Variants in ZNF69 observed in about 807,000 individuals in gnomAD.
ZNF69 encodes the protein ZNF3.
Under a neutral mutation model 50.9 loss-of-function variants are expected in ZNF69, and 47 were observed. The observed-to-expected ratio is 0.92, with a 90% CI of 0.73 to 1.18. The LOEUF (loss-of-function observed/expected upper bound fraction) is 1.18. ZNF69 is among the 50% of genes most tolerant of loss of function. The pLI is 0.00. For missense variants in ZNF69, 717 were observed against 675.1 expected (o/e 1.06, Z -0.69); for synonymous variants, 216 against 223.1 (o/e 0.97, Z 0.29).
At chr19:11,936,361 CTT>C in the ZNF69 span, among the ~76,000 whole-genome samples, 1 of 152,160 alleles carries the variant, frequency 6.6e-6, no homozygotes, top group South Asian at 2.1e-4. Context: ...TGTTTCCTGA[CTT>C]TTTAATGATT....
At chr19:11,949,781 A>G in the ZNF69 span, 1 of 1,613,434 alleles carries the variant, frequency 6.2e-7, no homozygotes, top group Non-Finnish European at 8.5e-7. Flanking sequence ...GAAAGGACTC[A>G]CACTGGAGAG....
the ZNF69 span, among the ~76,000 whole-genome samples, chr19:11,942,632 G>A: frequency 6.6e-6 from 1 of 152,216 alleles, no homozygotes; most frequent in Non-Finnish European, 1.5e-5. Context: ...AAAGGATCGT[G>A]ATCAATTAAA....
chr19:11,947,095 A>C, the ZNF69 span: 2 of 1,541,898 alleles, frequency 1.3e-6, no homozygotes, highest in Non-Finnish European at 1.7e-6. Flanking sequence ...AGTCCACAGC[A>C]TCCTGAGAAC....
the ZNF69 span, among the ~76,000 whole-genome samples, chr19:11,943,535 G>T: frequency 6.6e-6 from 1 of 152,036 alleles, no homozygotes; most frequent in Non-Finnish European, 1.5e-5. Flanking sequence ...ACCTAGAAAA[G>T]AACTAGTTTT....
At position 11,906,397 on chromosome 19, in the gene ZNF69, C is replaced by A. The variant is rs1249605168; in HGVS notation, c.*299C>A. Reference sequence around the variant, plus strand: ...CCTCCTCAAGTGGGTCCCTGATCTCCAAGTAGCCTAACTGGGAGGCACTTC... The same window carrying A: ...CCTCCTCAAGTGGGTCCCTGATCTCAAAGTAGCCTAACTGGGAGGCACTTC... On this transcript the variant is annotated 3_prime_UTR_variant, in exon 4 of 4. Transcript: ENST00000429654. 11 of 528,362 alleles carry A rather than the reference C, an allele frequency of 2.1e-5. No individual in the cohort carries two copies. Among genetic ancestry groups the A allele is most frequent in the Non-Finnish European group, 3.0e-5 (11 of 372,620 alleles). 32.7% of individuals were successfully genotyped at this position (528,362 alleles called of 1,614,324 possible).
chr19:11,967,428 G>A, the ZNF69 span, among the ~76,000 whole-genome samples: 9 of 151,786 alleles, frequency 5.9e-5, no homozygotes, highest in Admixed American at 2.6e-4. Flanking sequence ...TTTTTGAGAC[G>A]GAGTCTCGCT....
chr19:11,972,505 C>T, the ZNF69 span, among the ~76,000 whole-genome samples: 6 of 151,984 alleles, frequency 3.9e-5, no homozygotes, highest in African/African-American at 1.5e-4. Context: ...AATGATGGAG[C>T]CAGTATTGGG....
chr19:11,974,128 T>TC, the ZNF69 span, among the ~76,000 whole-genome samples: 8 of 104,100 alleles, frequency 7.7e-5, 1 homozygote, highest in Admixed American at 6.0e-4. Context: ...TTTCTTTCTT[T>TC]TCTTTCTTTC....
intron 1 of ZNF69, among the ~76,000 whole-genome samples, chr19:11,891,906 T>C (rs973840596): frequency 1.6e-4 from 24 of 152,288 alleles, no homozygotes; most frequent in South Asian, 6.2e-4. Context: ...CTAACACTTG[T>C]ATAGGGAAAA....
At chr19:11,960,210 G>T in the ZNF69 span, among the ~76,000 whole-genome samples, 1 of 152,040 alleles carries the variant, frequency 6.6e-6, no homozygotes, top group Non-Finnish European at 1.5e-5. Context: ...AGTAGAGATG[G>T]GGTTTCACCA....
the ZNF69 span, chr19:11,977,123 G>A: frequency 6.2e-7 from 1 of 1,614,130 alleles, no homozygotes; most frequent in Non-Finnish European, 8.5e-7. Context: ...AAACTCTACA[G>A]GGAAGTGATG....
the ZNF69 span, among the ~76,000 whole-genome samples, chr19:11,928,540 G>T: frequency 6.7e-6 from 1 of 150,340 alleles, no homozygotes; most frequent in Non-Finnish European, 1.5e-5. Context: ...AGACCATCCC[G>T]GCTAAAACGG....
chr19:11,913,301 T>G (rs1397610693), intron 4 of ZNF69: 2 of 530,846 alleles, frequency 3.8e-6, no homozygotes, highest in Non-Finnish European at 6.8e-6. Flanking sequence ...TATAACCATG[T>G]GGATAAAATG....
At chr19:11,889,452 C>A (rs956044525) in intron 1 of ZNF69, among the ~76,000 whole-genome samples, 1 of 152,122 alleles carries the variant, frequency 6.6e-6, no homozygotes, top group East Asian at 1.9e-4. Flanking sequence ...ACTTCACTTA[C>A]CTGGGAAGGT....
chr19:11,969,492 A>G, the ZNF69 span, among the ~76,000 whole-genome samples: 1 of 152,242 alleles, frequency 6.6e-6, no homozygotes, highest in African/African-American at 2.4e-5. Context: ...CTGATTAAGC[A>G]TAAATTTCAT....
chr19:11,929,569 A>G, the ZNF69 span, among the ~76,000 whole-genome samples: 2 of 148,444 alleles, frequency 1.3e-5, no homozygotes, highest in African/African-American at 5.3e-5. Flanking sequence ...ATTTCCCTAT[A>G]CATTAGTAAT....
the ZNF69 span, among the ~76,000 whole-genome samples, chr19:11,940,639 A>C: frequency 1.3e-5 from 2 of 152,180 alleles, no homozygotes; most frequent in Middle Eastern, 3.2e-3. Context: ...TGCAAAGAGC[A>C]AAAGAACAAA....
chr19:11,972,262 G>A, the ZNF69 span, among the ~76,000 whole-genome samples: 1 of 151,620 alleles, frequency 6.6e-6, no homozygotes, highest in African/African-American at 2.4e-5. Flanking sequence ...TCCAGCCTGG[G>A]CAACAGAATG....
chr19:11,916,601 C>A (rs932901346), downstream of ZNF69, among the ~76,000 whole-genome samples: 6 of 152,096 alleles, frequency 3.9e-5, no homozygotes, highest in Admixed American at 3.3e-4. Flanking sequence ...GGCTACAGAA[C>A]AAGACTGTCT....
Sources: allele counts gnomAD v4.1 joint callset (sites outside exome capture counted in the v4.1 genomes callset), GRCh38; gene constraint gnomAD v4.1.1; transcripts MANE v1.5; gene names NCBI Gene and HGNC (gene_info 2026-07-23, HGNC 2026-07-21).